Variants in PCSK5 observed in about 807,000 individuals in gnomAD.
PCSK5 encodes the protein proprotein convertase subtilisin/kexin type 5, also known as prohormone convertase 5.
A neutral mutation model predicts 233.2 loss-of-function variants in PCSK5; 129 were observed. The observed-to-expected ratio is 0.55, with a 90% CI of 0.48 to 0.64. PCSK5 has a LOEUF of 0.64. PCSK5 is among the 30% of genes least tolerant of loss of function. The pLI is 0.00. For synonymous variants in PCSK5, 825 were observed against 879.2 expected (o/e 0.94, Z 1.09); for missense variants, 2,076 against 2,430.1 (o/e 0.85, Z 3.06).
chr9:76,282,218 A>G (rs1450662208), intron 24 of PCSK5, among the ~76,000 whole-genome samples: 4 of 137,732 alleles, frequency 2.9e-5, no homozygotes, highest in African/African-American at 5.3e-5. Flanking sequence ...CCTGGGCTCA[A>G]GTGATCCTCC....
In PCSK5 at chr9:76,184,682, T is replaced by G. The variant is rs1234707366; in HGVS notation, c.2207T>G (p.Leu736Arg). 1.2e-5 allele frequency: 19 copies of G among 1,607,030 alleles called. No homozygotes were observed. Among genetic ancestry groups the G allele is most frequent in the Non-Finnish European group, 1.6e-5 (19 of 1,174,832 alleles). ...CTCTTTTTTTTAACAGAGAAAAATC[T>G]TTGCCGGAAATGCAGTGAAAACTGC... ...DGSYQDTKKN[L>R]CRKCSENCKT... The change falls in exon 17 of 38, where the codon CTT (leucine) becomes CGT (arginine). Residue 736 changes from leucine (L) to arginine (R), a missense_variant. Coordinates refer to ENST00000674117, the MANE Select transcript of PCSK5 (RefSeq NM_001372043.1).
intron 24 of PCSK5, among the ~76,000 whole-genome samples, chr9:76,283,432 C>G (rs892413528): frequency 1.3e-5 from 2 of 152,190 alleles, no homozygotes; most frequent in Non-Finnish European, 2.9e-5. Context: ...GATCTGAATG[C>G]TCAGATGATC....
At chr9:76,257,506 T>C (rs1430017639) in intron 24 of PCSK5, among the ~76,000 whole-genome samples, 1 of 152,040 alleles carries the variant, frequency 6.6e-6, no homozygotes, top group East Asian at 1.9e-4. Flanking sequence ...AACAGGAGGG[T>C]AATTTGGTAG....
At chr9:76,072,210 TGA>T (rs1830505051) in intron 7 of PCSK5, among the ~76,000 whole-genome samples, 1 of 152,204 alleles carries the variant, frequency 6.6e-6, no homozygotes, top group African/African-American at 2.4e-5. Flanking sequence ...ACTGTGAAAT[TGA>T]GTGAAGATAT....
In PCSK5 at chr9:76,122,113, G is replaced by A. The variant is rs1832665865; in HGVS notation, c.1209-11996G>A. On this transcript the variant is annotated intron_variant, in intron 9 of 37. Coordinates refer to ENST00000674117, the MANE Select transcript of PCSK5 (RefSeq NM_001372043.1). ...GCTGGGATTACAGGCGTGAGCCACCGCGCCCGGCCTTGGTTTTTATGACTG... is the reference window on the plus strand; with the variant it reads ...GCTGGGATTACAGGCGTGAGCCACCACGCCCGGCCTTGGTTTTTATGACTG... Among the ~76,000 whole-genome samples the A allele has an allele frequency of 4.6e-5, 2 of 43,596 alleles. 1 individual carries two copies. Among genetic ancestry groups the A allele is most frequent in the Non-Finnish European group, 1.2e-4 (2 of 16,322 alleles). The allele number at this position is 43,596 out of a possible 152,430, so 28.6% of individuals were successfully genotyped here.
In PCSK5 at chr9:76,246,072, G is replaced by A. The variant is rs144171410; in HGVS notation, c.3142+5388G>A. 2.0e-4 allele frequency among the ~76,000 whole-genome samples: 30 copies of A among 152,182 alleles called. No individual in the cohort carries two copies. The East Asian group carries it at 4.6e-3, about 24-fold the overall frequency. ...TGAGAGGCCTGGCGCAGTGGCTCACGCCTGTAATCCCAGCACTTTGTACTT... is the reference window on the plus strand; with the variant it reads ...TGAGAGGCCTGGCGCAGTGGCTCACACCTGTAATCCCAGCACTTTGTACTT... On this transcript the variant is annotated intron_variant, in intron 24 of 37. Transcript: ENST00000674117.
At chr9:76,041,755 C>T (rs1167443828) in intron 5 of PCSK5, among the ~76,000 whole-genome samples, 1 of 150,400 alleles carries the variant, frequency 6.6e-6, no homozygotes, top group African/African-American at 2.5e-5. Flanking sequence ...AGGAGAATCA[C>T]TTGAACTGAG....
At chr9:75,923,291 G>A (rs1375106352) in intron 1 of PCSK5, among the ~76,000 whole-genome samples, 1 of 152,182 alleles carries the variant, frequency 6.6e-6, no homozygotes, top group Non-Finnish European at 1.5e-5. Context: ...GGGAAGATTA[G>A]ACGTAACGTA....
At chr9:76,340,575 G>A (rs554138666) in intron 35 of PCSK5, among the ~76,000 whole-genome samples, 350 of 148,176 alleles carry the variant, frequency 2.4e-3, no homozygotes, top group Non-Finnish European at 4.5e-3. Flanking sequence ...AAACCTGGAG[G>A]CAGAGGTTGC....
intron 2 of PCSK5, among the ~76,000 whole-genome samples, chr9:75,976,998 G>A (rs537423125): frequency 1.3e-5 from 2 of 152,184 alleles, no homozygotes; most frequent in East Asian, 3.9e-4. Context: ...TGAAATGCTG[G>A]AGATGTCTTT....
At chr9:76,285,796 T>C (rs1828043326) in intron 24 of PCSK5, among the ~76,000 whole-genome samples, 1 of 151,274 alleles carries the variant, frequency 6.6e-6, no homozygotes. Flanking sequence ...AAAATAAACA[T>C]GTGAAGAGAA....
At chr9:75,990,239 C>T (rs1036245728) in intron 3 of PCSK5, among the ~76,000 whole-genome samples, 4 of 152,176 alleles carry the variant, frequency 2.6e-5, no homozygotes, top group African/African-American at 7.2e-5. Context: ...GCCTCCAGCT[C>T]GTTAGCCTGG....
At chr9:76,133,446 C>T (rs12342849) in intron 9 of PCSK5, among the ~76,000 whole-genome samples, 1 of 151,916 alleles carries the variant, frequency 6.6e-6, no homozygotes, top group Non-Finnish European at 1.5e-5. Flanking sequence ...TTCTTCAGTG[C>T]TAGTAGCCAT....
At chr9:75,981,254 ACT>A (rs1348133195) in intron 2 of PCSK5, among the ~76,000 whole-genome samples, 2 of 152,006 alleles carry the variant, frequency 1.3e-5, no homozygotes, top group Non-Finnish European at 2.9e-5. Context: ...ACACAATTAG[ACT>A]CTCTAGATAA....
intron 11 of PCSK5, 112 bp from the exon 12 acceptor site, chr9:76,158,871 T>A (rs1822720926): frequency 1.2e-6 from 1 of 865,462 alleles, no homozygotes; most frequent in Non-Finnish European, 1.8e-6. Context: ...TTGTTTAGTA[T>A]CCAGCTATCA....
intron 3 of PCSK5, 30 bp from the exon 4 acceptor site, chr9:76,023,708 T>C: frequency 6.4e-7 from 1 of 1,567,438 alleles, no homozygotes; most frequent in African/African-American, 1.4e-5. Context: ...CACTATTTAG[T>C]AATCTTGCAG....
chr9:76,018,325 A>G (rs1005022675), intron 3 of PCSK5, among the ~76,000 whole-genome samples: 2 of 152,192 alleles, frequency 1.3e-5, no homozygotes, highest in Non-Finnish European at 2.9e-5. Flanking sequence ...TTTTTAAAGC[A>G]GGGGTCCCCA....
intron 24 of PCSK5, among the ~76,000 whole-genome samples, chr9:76,270,417 G>A (rs114827970): frequency 0.021 from 3,247 of 152,220 alleles, 47 homozygotes; most frequent in Middle Eastern, 0.078. Context: ...ATTTTGGTGG[G>A]ACTGAATGCC....
chr9:76,055,198 T>C (rs1452123812), intron 5 of PCSK5, among the ~76,000 whole-genome samples: 2 of 152,130 alleles, frequency 1.3e-5, no homozygotes, highest in African/African-American at 4.8e-5. Flanking sequence ...TCAAAGGATC[T>C]CTGAACATAA....
Sources: allele counts gnomAD v4.1 joint callset (sites outside exome capture counted in the v4.1 genomes callset), GRCh38; gene constraint gnomAD v4.1.1; transcripts MANE v1.5; gene names NCBI Gene and HGNC (gene_info 2026-07-23, HGNC 2026-07-21).